Variants in SPRYD3 observed in about 807,000 individuals in gnomAD.
SPRYD3 encodes SPRY domain containing 3, also known as SPRY domain-containing protein 3.
SPRYD3 carries 17 observed loss-of-function variants against 50.1 expected under a neutral mutation model. The observed-to-expected ratio is 0.34, with a 90% CI of 0.23 to 0.51. The LOEUF (loss-of-function observed/expected upper bound fraction) is 0.51. Ranked by LOEUF, SPRYD3 falls within the 20% of genes least tolerant of loss-of-function variation. The pLI is 0.97. For missense variants in SPRYD3, 401 were observed against 591.2 expected (o/e 0.68, Z 3.34); for synonymous variants, 198 against 215.5 (o/e 0.92, Z 0.71).
intron 6 of SPRYD3, among the ~76,000 whole-genome samples, chr12:53,069,694 G>A (rs576070845): frequency 1.8e-4 from 27 of 152,320 alleles, no homozygotes; most frequent in Admixed American, 6.5e-4. Flanking sequence ...AGGCCACACT[G>A]TTTGACTTCT....
intron 2 of SPRYD3, 56 bp downstream of exon 2, chr12:53,077,059 T>G (rs1308505314): frequency 6.4e-7 from 1 of 1,561,534 alleles, no homozygotes. Flanking sequence ...AAAAACCCTT[T>G]CCTCTCTAAG....
At chr12:53,073,256 G>GCCCCCGGGGGGGGGGGGGGGGCCCCCCC in intron 6 of SPRYD3, 30 bp downstream of exon 6, 1 of 424,134 alleles carries the variant, frequency 2.4e-6, no homozygotes, top group Non-Finnish European at 4.4e-6. Context: ...CTCCGACCCA[G>GCCCCCGGGGGGGGGGGGGGGGCCCCCCC]CCCCTCCCAC....
rs758403840 is a variant in SPRYD3, at chr12:53,065,796, T to G, written c.*36A>C. ...ACTGGGTGCCTGGCCCAGCAGAGGG[T>G]GAGCAGGGAGAAGGAGCAGGTCTGG... On this transcript the variant is annotated 3_prime_UTR_variant, in exon 11 of 11. Coordinates refer to ENST00000301463, the MANE Select transcript of SPRYD3 (RefSeq NM_032840.3). 13 of 1,592,190 alleles carry G rather than the reference T, an allele frequency of 8.2e-6. No individual in the cohort carries two copies. The highest frequency in any genetic ancestry group is 1.1e-5 in the South Asian group (1 of 89,318).
intron 6 of SPRYD3, among the ~76,000 whole-genome samples, chr12:53,071,723 TAAAAAAAAA>T (rs60600870): frequency 1.9e-5 from 2 of 104,508 alleles, no homozygotes; most frequent in Non-Finnish European, 3.8e-5. Context: ...TAGCCTGTCT[TAAAAAAAAA>T]AAAAAAAAAA....
chr12:53,066,173 C>A, intron 10 of SPRYD3, 141 bp downstream of exon 10: 2 of 1,458,528 alleles, frequency 1.4e-6, no homozygotes, highest in Non-Finnish European at 1.9e-6. Context: ...TCTCAGCAAC[C>A]CCTGGAGCTG....
intron 8 of SPRYD3, among the ~76,000 whole-genome samples, chr12:53,066,968 G>C (rs969692255): frequency 1.3e-5 from 2 of 152,116 alleles, no homozygotes; most frequent in South Asian, 2.1e-4. Context: ...AAATTAGCTG[G>C]GCGTGGTGGC....
intron 10 of SPRYD3, 126 bp from the exon 11 acceptor site, chr12:53,066,092 AGGT>A (rs890769824): frequency 1.2e-5 from 17 of 1,406,146 alleles, no homozygotes; most frequent in Non-Finnish European, 1.7e-5. Flanking sequence ...GGGGCAGTTA[AGGT>A]GTTATGGGAA....
At position 53,065,983 on chromosome 12, in the gene SPRYD3, G is replaced by A; in HGVS notation, c.1195-17C>T. 1 of 1,608,576 alleles carries A rather than the reference G, an allele frequency of 6.2e-7. No individual in the cohort carries two copies. The highest frequency in any genetic ancestry group is 8.5e-7 in the Non-Finnish European group (1 of 1,176,232). ...GAAGAAAACCTGGGGAGGAGGTGGG[G>A]AGAAGAATGGAGCAAGCAGGCTGTG... On this transcript the variant is annotated splice_polypyrimidine_tract_variant and intron_variant, in intron 10 of 10. Transcript: ENST00000301463.
intron 7 of SPRYD3, 33 bp from the exon 8 acceptor site, chr12:53,067,738 C>A: frequency 6.3e-7 from 1 of 1,596,682 alleles, no homozygotes; most frequent in South Asian, 1.1e-5. Context: ...AATCTATGGT[C>A]CCATGCATAA....
rs146468353 is a variant in SPRYD3, at chr12:53,075,778, G to A, written c.204C>T (p.Tyr68=). The change falls in exon 3 of 11, where the codon TAC becomes TAT. Residue 68 remains tyrosine, a synonymous_variant. Coordinates refer to ENST00000301463, the MANE Select transcript of SPRYD3 (RefSeq NM_032840.3). ...YHGNSGEVGC[Y]VASRPLTKDS... ...CCTTGGTCAGGGGTCGAGAAGCCAC[G>A]TAGCAGCCAACTTCACCAGAGTTTC... 207 of 1,613,968 alleles carry A rather than the reference G, an allele frequency of 1.3e-4. No homozygotes were observed. The highest frequency in any genetic ancestry group is 1.6e-4 in the Non-Finnish European group (184 of 1,179,998).
chr12:53,066,290 C>CCACCTCAAACT, intron 10 of SPRYD3, 24 bp downstream of exon 10: 1 of 1,608,150 alleles, frequency 6.2e-7, no homozygotes, highest in Middle Eastern at 1.8e-4. Flanking sequence ...AACCCTGGTC[C>CCACCTCAAACT]CACCTCAAAC....
At chr12:53,068,328 G>A (rs765766468) in intron 6 of SPRYD3, 24 bp from the exon 7 acceptor site, 27 of 1,612,416 alleles carry the variant, frequency 1.7e-5, no homozygotes, top group Non-Finnish European at 2.3e-5. Flanking sequence ...GCCAGATGGG[G>A]GTCAGGGGAC....
intron 1 of SPRYD3, among the ~76,000 whole-genome samples, chr12:53,077,689 C>A (rs964341595): frequency 5.3e-5 from 8 of 152,102 alleles, no homozygotes; most frequent in Admixed American, 3.3e-4. Flanking sequence ...GCAGGAAGGG[C>A]AGCCACAGGT....
intron 8 of SPRYD3, among the ~76,000 whole-genome samples, 154 bp from the exon 9 acceptor site, chr12:53,066,846 C>T (rs1355751715): frequency 2.0e-5 from 3 of 152,166 alleles, no homozygotes; most frequent in East Asian, 1.9e-4. Flanking sequence ...GGCGCGGTGG[C>T]TCACGCCTGG....
chr12:53,074,306 G>A lies in SPRYD3; in HGVS notation c.507+343C>T, dbSNP rs919703931. 1.3e-5 allele frequency among the ~76,000 whole-genome samples: 2 copies of A among 152,220 alleles called. No homozygotes were observed. The highest frequency in any genetic ancestry group is 4.8e-5 in the African/African-American group (2 of 41,468). On this transcript the variant is annotated intron_variant, in intron 5 of 10. Coordinates refer to ENST00000301463, the MANE Select transcript of SPRYD3 (RefSeq NM_032840.3). This position sits in a 1 kb window ranked among gnomAD's most constrained non-coding sequence, Gnocchi z 4.6. ...AGTCAAAACCCAAAGAGGACCTCCA[G>A]CTTACATGGCCAGGCCATAATCTTC...
At position 53,077,225 on chromosome 12, in the gene SPRYD3, CAGGTTG is replaced by C; in HGVS notation, c.54_59del (p.Asn19_Leu20del). On this transcript the variant is annotated inframe_deletion, in exon 2 of 11. Coordinates refer to ENST00000301463, the MANE Select transcript of SPRYD3 (RefSeq NM_032840.3). Reference sequence around the variant, plus strand: ...GGCGCCAATTCAGAAACCGGTAGTGCAGGTTGAGGTCATCCATCTTGTTCATGAGAA... The same window carrying C: ...GGCGCCAATTCAGAAACCGGTAGTGCAGGTCATCCATCTTGTTCATGAGAA... 6.2e-7 allele frequency: 1 copy of C among 1,614,190 alleles called. No individual in the cohort carries two copies. The highest frequency in any genetic ancestry group is 8.5e-7 in the Non-Finnish European group (1 of 1,180,028).
rs1452542991 is a variant in SPRYD3, at chr12:53,064,514, G to A, written c.*1318C>T. On this transcript the variant is annotated 3_prime_UTR_variant, in exon 11 of 11. Coordinates refer to ENST00000301463, the MANE Select transcript of SPRYD3 (RefSeq NM_032840.3). ...CCAACATTGGTCCACATCTCCCCAT[G>A]AGCAAGCTGCCTTCGGCTGCCCCCA... is the stretch of plus-strand genomic sequence containing the variant. 6.6e-6 allele frequency: 1 copy of A among 152,594 alleles called. No individual in the cohort carries two copies. The highest frequency in any genetic ancestry group is 1.5e-5 in the Non-Finnish European group (1 of 68,172). The allele number at this position is 152,594 out of a possible 1,614,324, so 9.5% of individuals were successfully genotyped here. A position where few individuals can be genotyped will look rare whatever the true frequency, so the allele number is the denominator to read the frequency against.
Position 53,074,621 on chromosome 12 carries a change from G to A in SPRYD3, c.507+28C>T, listed in dbSNP as rs770170344. ...AAATCCTTGGGCAGATTTCAGCCACGTAAATCCCACCACTATTTCCCACTC... is the reference window on the plus strand; with the variant it reads ...AAATCCTTGGGCAGATTTCAGCCACATAAATCCCACCACTATTTCCCACTC... On this transcript the variant is annotated intron_variant, in intron 5 of 10. Coordinates refer to ENST00000301463, the MANE Select transcript of SPRYD3 (RefSeq NM_032840.3). The surrounding 1 kb of genome is among the most constrained non-coding windows in gnomAD (Gnocchi z 4.6). The A allele has an allele frequency of 1.6e-5, 26 of 1,613,942 alleles. No homozygotes were observed. The highest frequency in any genetic ancestry group is 6.6e-5 in the South Asian group (6 of 91,072).
rs1255209953 is a variant in SPRYD3, at chr12:53,074,061, G to C, written c.507+588C>G. Among the ~76,000 whole-genome samples, 1 of 152,094 alleles carries C rather than the reference G, an allele frequency of 6.6e-6. No homozygotes were observed. The highest frequency in any genetic ancestry group is 1.5e-5 in the Non-Finnish European group (1 of 68,034). ...CTGGACAGGAGAGTGCCGAGGCGCA[G>C]ATGCTAAGGCAGCAGGACCCCTTGG... On this transcript the variant is annotated intron_variant, in intron 5 of 10. Coordinates refer to ENST00000301463, the MANE Select transcript of SPRYD3 (RefSeq NM_032840.3). The surrounding 1 kb of genome is among the most constrained non-coding windows in gnomAD (Gnocchi z 4.6).
Sources: allele counts gnomAD v4.1 joint callset (sites outside exome capture counted in the v4.1 genomes callset), GRCh38; gene constraint gnomAD v4.1.1; non-coding constraint Gnocchi (gnomAD v3.1); transcripts MANE v1.5; gene names NCBI Gene and HGNC (gene_info 2026-07-23, HGNC 2026-07-21).